FGF14: variants seen among roughly 807,000 people sequenced by gnomAD.
The protein encoded by FGF14 is fibroblast growth factor homologous factor 4.
In FGF14, 5 loss-of-function variants were observed where a neutral mutation model predicts 25.5. The observed-to-expected ratio is 0.20, with a 90% CI of 0.10 to 0.41. The LOEUF (loss-of-function observed/expected upper bound fraction) is 0.41. Among genes scored for constraint, FGF14 ranks in the 10% least tolerant of loss-of-function variants. FGF14 has a pLI of 1.00. For missense variants in FGF14, 222 were observed against 320.1 expected (o/e 0.69, Z 2.34); for synonymous variants, 138 against 118.3 (o/e 1.17, Z -1.08).
chr13:102,059,170 T>C (rs1459089089), intron 1 of FGF14, among the ~76,000 whole-genome samples: 1 of 152,146 alleles, frequency 6.6e-6, no homozygotes. Flanking sequence ...GAAGGAAATG[T>C]CCTCTGAAAG....
At chr13:101,760,875 G>A in intron 3 of FGF14, among the ~76,000 whole-genome samples, 1 of 152,044 alleles carries the variant, frequency 6.6e-6, no homozygotes, top group East Asian at 1.9e-4. Flanking sequence ...TAGACAATGA[G>A]CATTTGTCTA....
intron 1 of FGF14, among the ~76,000 whole-genome samples, chr13:102,011,377 T>C (rs1280454885): frequency 6.6e-6 from 1 of 152,252 alleles, no homozygotes; most frequent in African/African-American, 2.4e-5. Flanking sequence ...TGTCTATTCC[T>C]AACGCTGCAG....
chr13:101,750,652 A>G (rs1228858988), intron 3 of FGF14, among the ~76,000 whole-genome samples: 1 of 152,174 alleles, frequency 6.6e-6, no homozygotes, highest in Non-Finnish European at 1.5e-5. Context: ...TGGTCACCAG[A>G]AAAGATAACT....
intron 1 of FGF14, among the ~76,000 whole-genome samples, chr13:102,108,674 G>A (rs1347201946): frequency 6.6e-6 from 1 of 152,180 alleles, no homozygotes; most frequent in East Asian, 1.9e-4. Context: ...AATAGGTATG[G>A]ATAATTGCAC....
At chr13:101,918,126 C>T (rs935496951), upstream of FGF14, among the ~76,000 whole-genome samples, 2 of 152,084 alleles carry the variant, frequency 1.3e-5, no homozygotes, top group Admixed American at 1.3e-4. Context: ...GTCTGTGTCC[C>T]GACAGCGGTT....
intron 1 of FGF14, among the ~76,000 whole-genome samples, chr13:101,904,549 A>T (rs2031996688): frequency 6.6e-6 from 1 of 152,220 alleles, no homozygotes. Context: ...AGAAAGACTT[A>T]GCTTGTAAAC....
intron 1 of FGF14, among the ~76,000 whole-genome samples, chr13:102,385,390 G>A (rs2058278518): frequency 6.6e-6 from 1 of 152,072 alleles, no homozygotes; most frequent in Admixed American, 6.6e-5. Context: ...AGTAATAGCT[G>A]GTTATACTGT....
intron 3 of FGF14, among the ~76,000 whole-genome samples, chr13:101,774,871 G>A (rs2038999126): frequency 6.6e-6 from 1 of 151,562 alleles, no homozygotes. Context: ...TGGCCAACAT[G>A]GTGAAACCGT....
chr13:102,010,070 A>C (rs1334885943), intron 1 of FGF14, among the ~76,000 whole-genome samples: 1 of 152,216 alleles, frequency 6.6e-6, no homozygotes, highest in Non-Finnish European at 1.5e-5. Context: ...AGTGGAGCAG[A>C]GGAAAAGAAG....
At chr13:102,186,263 C>G (rs979938744) in intron 1 of FGF14, among the ~76,000 whole-genome samples, 1 of 152,126 alleles carries the variant, frequency 6.6e-6, no homozygotes, top group East Asian at 1.9e-4. Context: ...TTGGGGTCAA[C>G]AGATTAGAAC....
chr13:102,233,028 C>T (rs2051152282), intron 1 of FGF14, among the ~76,000 whole-genome samples: 1 of 152,096 alleles, frequency 6.6e-6, no homozygotes, highest in African/African-American at 2.4e-5. Flanking sequence ...AGGTCTTGCC[C>T]CTCTCACTTT....
At chr13:101,970,290 T>C (rs1447858169) in intron 1 of FGF14, among the ~76,000 whole-genome samples, 1 of 152,206 alleles carries the variant, frequency 6.6e-6, no homozygotes, top group Non-Finnish European at 1.5e-5. Flanking sequence ...TTATTCCCAG[T>C]ATGGGTTTAA....
intron 1 of FGF14, among the ~76,000 whole-genome samples, chr13:102,147,948 A>T (rs1341741231): frequency 3.3e-5 from 5 of 152,210 alleles, no homozygotes; most frequent in Admixed American, 6.5e-5. Flanking sequence ...CATAAGTAAT[A>T]ATTACTCTTC....
At chr13:101,989,420 A>G (rs2038776016) in intron 1 of FGF14, among the ~76,000 whole-genome samples, 1 of 152,094 alleles carries the variant, frequency 6.6e-6, no homozygotes, top group Non-Finnish European at 1.5e-5. Flanking sequence ...ATAAAGAAGA[A>G]TAATGTACAT....
Position 102,018,081 on chromosome 13 carries a change from CTCT to C in FGF14, c.209-142788_209-142786del, listed in dbSNP as rs902245194. 7.9e-4 allele frequency among the ~76,000 whole-genome samples: 121 copies of C among 152,206 alleles called. 2 individuals carry two copies. Among genetic ancestry groups the C allele is most frequent in the African/African-American group, 2.7e-3 (113 of 41,566 alleles). On this transcript the variant is annotated intron_variant, in intron 1 of 4. Coordinates refer to the FGF14 transcript ENST00000376131. ...CTTCTGTTTCTAGAGTTCTGTGTCTCTCTTCTTCTGTTTTCTTAAAAAGTTTGG... is the reference window on the plus strand; with the variant it reads ...CTTCTGTTTCTAGAGTTCTGTGTCTCTCTTCTGTTTTCTTAAAAAGTTTGG...
chr13:102,151,648 G>A (rs1279110047), intron 1 of FGF14, among the ~76,000 whole-genome samples: 1 of 151,990 alleles, frequency 6.6e-6, no homozygotes. Context: ...ACAGGCACCT[G>A]CCACCATGCC....
At chr13:101,821,039 C>G (rs879186347) in intron 3 of FGF14, among the ~76,000 whole-genome samples, 4 of 148,950 alleles carry the variant, frequency 2.7e-5, no homozygotes, top group South Asian at 2.3e-4. Context: ...GCTCCGCCCC[C>G]CGGGATTCAC....
intron 3 of FGF14, among the ~76,000 whole-genome samples, chr13:101,740,574 GC>G (rs1159749568): frequency 2.0e-5 from 3 of 152,132 alleles, no homozygotes; most frequent in Admixed American, 6.5e-5. Flanking sequence ...CAAGCAGTGT[GC>G]AGGTTTCTAG....
intron 1 of FGF14, among the ~76,000 whole-genome samples, chr13:102,250,328 A>G (rs1254634607): frequency 2.0e-5 from 3 of 152,222 alleles, no homozygotes; most frequent in Admixed American, 6.5e-5. Context: ...GAGAAGTCCA[A>G]GGTTAATGCA....
Sources: allele counts gnomAD v4.1 joint callset (sites outside exome capture counted in the v4.1 genomes callset), GRCh38; gene constraint gnomAD v4.1.1; transcripts MANE v1.5; gene names NCBI Gene and HGNC (gene_info 2026-07-23, HGNC 2026-07-21).